NCAPD3: variants seen among roughly 807,000 people sequenced by gnomAD.
NCAPD3 encodes the protein non-SMC condensin II complex subunit D3, also known as condensin-2 complex subunit D3.
A neutral mutation model predicts 182.9 loss-of-function variants in NCAPD3; 105 were observed. That is an observed-to-expected ratio of 0.57 (90% CI 0.49 to 0.68). The LOEUF (loss-of-function observed/expected upper bound fraction) is 0.68. Ranked by LOEUF, NCAPD3 falls within the 30% of genes least tolerant of loss-of-function variation. The pLI, the probability that NCAPD3 is intolerant of heterozygous loss-of-function variation, is 0.00. For missense variants in NCAPD3, 1,944 were observed against 1,837.0 expected (o/e 1.06, Z -1.07); for synonymous variants, 815 against 679.9 (o/e 1.20, Z -3.09).
intron 4 of NCAPD3, chr11:134,209,717 A>G (rs748295933): frequency 2.1e-5 from 9 of 426,776 alleles, no homozygotes; most frequent in Non-Finnish European, 3.3e-5. Flanking sequence ...CCTTTTTTTC[A>G]GAATTTTTGC....
At chr11:134,193,953 T>C (rs1288623667) in intron 15 of NCAPD3, 63 bp downstream of exon 15, 1 of 1,504,102 alleles carries the variant, frequency 6.6e-7, no homozygotes, top group Non-Finnish European at 9.1e-7. Context: ...CAGGTAATTA[T>C]TGTGTGGAAT....
chr11:134,198,276 C>A (rs1451116038), intron 13 of NCAPD3, among the ~76,000 whole-genome samples: 1 of 152,204 alleles, frequency 6.6e-6, no homozygotes, highest in African/African-American at 2.4e-5. Context: ...GTCTCCACCA[C>A]CCTTTATCTT....
intron 16 of NCAPD3, among the ~76,000 whole-genome samples, chr11:134,187,467 C>T (rs1364874670): frequency 6.6e-6 from 1 of 152,074 alleles, no homozygotes; most frequent in African/African-American, 2.4e-5. Flanking sequence ...CTCAACCTGC[C>T]CGACTTCTGC....
intron 32 of NCAPD3, 101 bp from the exon 33 acceptor site, chr11:134,153,464 T>C (rs890873308): frequency 1.2e-5 from 15 of 1,250,054 alleles, no homozygotes; most frequent in South Asian, 4.8e-5. Flanking sequence ...CACATCAGTG[T>C]CCCAGCGGCG....
In NCAPD3 at chr11:134,177,341, C is replaced by T. The variant is rs749754161; in HGVS notation, c.2899G>A (p.Asp967Asn). The T allele has an allele frequency of 4.3e-6, 7 of 1,614,196 alleles. No homozygotes were observed. The highest frequency in any genetic ancestry group is 5.9e-6 in the Non-Finnish European group (7 of 1,180,028). The change falls in exon 23 of 35, where the codon GAT becomes AAT. Residue 967 changes from aspartate (D) to asparagine (N), a missense_variant. Asp to Asn is a conservative substitution (Grantham distance 23). This residue lies in a region of NCAPD3 where 1,803 missense variants were observed against 1,674.6 expected (regional missense o/e 1.08). Coordinates refer to ENST00000534548, the MANE Select transcript of NCAPD3 (RefSeq NM_015261.3). ...ATGATGGTGTAGCGAATGCAGAGAT[C>T]GCACATTACAATGATGACGTTGTTG... ...VRNNVIIVMC[D>N]LCIRYTIMVD... is the part of the protein sequence containing the mutation.
In NCAPD3 at chr11:134,178,695, G is replaced by T; in HGVS notation, c.2721C>A (p.Pro907=). Residue 907 remains proline, a synonymous_variant, in exon 22 of 35, where the codon CCC becomes CCA. Transcript: ENST00000534548. Reference sequence around the variant, plus strand: ...GCATGACAGAACCTCTGACCTGGGGGGGTGGCTGAGACGCTGGGGCCTCAC... The same window carrying T: ...GCATGACAGAACCTCTGACCTGGGGTGGTGGCTGAGACGCTGGGGCCTCAC... The part of the protein sequence containing the change: ...GSSEAPASQP[P]PQVRGSVMPS... The T allele has an allele frequency of 1.2e-6, 2 of 1,601,580 alleles. No homozygotes were observed. The highest frequency in any genetic ancestry group is 1.7e-6 in the Non-Finnish European group (2 of 1,172,306).
intron 16 of NCAPD3, among the ~76,000 whole-genome samples, chr11:134,188,479 A>G (rs1944458232): frequency 6.6e-6 from 1 of 151,760 alleles, no homozygotes; most frequent in South Asian, 2.1e-4. Flanking sequence ...TTCACAGTAA[A>G]TCTTACTGCT....
chr11:134,202,779 A>G (rs755420895), intron 13 of NCAPD3, 37 bp downstream of exon 13: 2 of 1,432,774 alleles, frequency 1.4e-6, no homozygotes, highest in South Asian at 2.5e-5. Context: ...GAAATCCAGC[A>G]GTATTACCTA....
intron 24 of NCAPD3, chr11:134,173,039 G>A (rs967309907): frequency 6.5e-6 from 1 of 154,202 alleles, no homozygotes; most frequent in African/African-American, 2.4e-5. Flanking sequence ...AGGACCTGCA[G>A]GGGAGGGCAG....
intron 13 of NCAPD3, among the ~76,000 whole-genome samples, chr11:134,200,953 T>C (rs1198205621): frequency 1.3e-5 from 2 of 151,738 alleles, no homozygotes; most frequent in Non-Finnish European, 2.9e-5. Flanking sequence ...AAACACGCTA[T>C]AGGTGAAAGA....
rs753299467 is a variant in NCAPD3 at position 134,203,841 on chromosome 11, C to T, written c.1281G>A (p.Val427=). 3 of 1,613,776 alleles carry T rather than the reference C, an allele frequency of 1.9e-6. No homozygotes were observed. Among genetic ancestry groups the T allele is most frequent in the Non-Finnish European group, 1.7e-6 (2 of 1,179,842 alleles). ...GATGCTCCAAGGAGAGGGTGTTATC[C>T]ACCTCTCTTTCAGGCAGTTCTAACA... The part of the protein sequence containing the change: ...LALLELPERE[V]DNTLSLEHQK... Residue 427 remains valine, a synonymous_variant, in exon 11 of 35, where the codon GTG becomes GTA. Transcript: ENST00000534548.
chr11:134,180,860 C>T (rs181151987), intron 20 of NCAPD3, among the ~76,000 whole-genome samples: 6 of 152,028 alleles, frequency 3.9e-5, no homozygotes, highest in Admixed American at 6.6e-5. Flanking sequence ...CTAGATGAAG[C>T]GTATACCATT....
chr11:134,187,990 T>C (rs1400505076), intron 16 of NCAPD3, among the ~76,000 whole-genome samples: 1 of 152,168 alleles, frequency 6.6e-6, no homozygotes, highest in Admixed American at 6.5e-5. Flanking sequence ...GGTGATGAAG[T>C]TAAAACGTGG....
chr11:134,168,141 G>A lies in NCAPD3; in HGVS notation c.3428C>T (p.Ser1143Leu). The change falls in exon 27 of 35, where the codon TCA becomes TTA. Residue 1143 changes from serine (S) to leucine (L), a missense_variant. Physicochemically the swap from Ser to Leu is moderately radical, Grantham distance 145. Coordinates refer to ENST00000534548, the MANE Select transcript of NCAPD3 (RefSeq NM_015261.3). Reference sequence around the variant, plus strand: ...TGAGCTGAGGACCTCAAACGTGTCTGAGAGTAACTCACTGGCGTCCAGGTC... The same window carrying A: ...TGAGCTGAGGACCTCAAACGTGTCTAAGAGTAACTCACTGGCGTCCAGGTC... ...PLDLDASELL[S>L]DTFEVLSSKE... 6.2e-7 allele frequency: 1 copy of A among 1,614,160 alleles called. No individual in the cohort carries two copies. The highest frequency in any genetic ancestry group is 8.5e-7 in the Non-Finnish European group (1 of 1,180,002).
rs114365266 is a variant in NCAPD3 at position 134,151,134 on chromosome 11, C to A, written c.*1810G>T. 6.6e-6 allele frequency: 1 copy of A among 152,268 alleles called. No homozygotes were observed. The highest frequency in any genetic ancestry group is 2.4e-5 in the African/African-American group (1 of 41,456). 9.4% of individuals were successfully genotyped at this position (152,268 alleles called of 1,614,324 possible). On this transcript the variant is annotated 3_prime_UTR_variant, in exon 35 of 35. Coordinates refer to ENST00000534548, the MANE Select transcript of NCAPD3 (RefSeq NM_015261.3). ...CACTGTGTGCCTGGAGAATGGCTCT[C>A]ACTACTCACCTTGTCTTTCAGCTTC...
chr11:134,186,857 G>A (rs1330701248), intron 16 of NCAPD3, among the ~76,000 whole-genome samples: 1 of 152,144 alleles, frequency 6.6e-6, no homozygotes, highest in African/African-American at 2.4e-5. Flanking sequence ...TCCATCCACA[G>A]ATGTCAAGTC....
intron 7 of NCAPD3, 107 bp from the exon 8 acceptor site, chr11:134,206,839 T>C: frequency 8.2e-7 from 1 of 1,216,178 alleles, no homozygotes; most frequent in African/African-American, 1.6e-5. Context: ...TGAAGGTAGG[T>C]CAGGCTGGCA....
At chr11:134,198,996 C>T (rs921948985) in intron 13 of NCAPD3, among the ~76,000 whole-genome samples, 2 of 152,066 alleles carry the variant, frequency 1.3e-5, no homozygotes, top group African/African-American at 4.8e-5. Flanking sequence ...AATTAACAAA[C>T]GAACATGGCA....
intron 20 of NCAPD3, among the ~76,000 whole-genome samples, chr11:134,180,656 T>C (rs1235577796): frequency 1.3e-5 from 2 of 152,220 alleles, no homozygotes; most frequent in African/African-American, 4.8e-5. Context: ...TGCTCAGCAC[T>C]GTTCCCCAGT....
Sources: gnomAD v4.1 joint callset for allele counts (sites outside exome capture counted in the v4.1 genomes callset) on GRCh38, gnomAD v4.1.1 for gene constraint, gnomAD v4.1.1 regional missense constraint, MANE v1.5 for transcripts, NCBI Gene and HGNC (gene_info 2026-07-23, HGNC 2026-07-21) for gene names.